MBP: variants seen among roughly 807,000 people sequenced by gnomAD.
The protein encoded by MBP is myelin basic protein.
MBP carries 16 observed loss-of-function variants against 35.8 expected under a neutral mutation model. That is an observed-to-expected ratio of 0.45 (90% confidence interval 0.30 to 0.68). The LOEUF (loss-of-function observed/expected upper bound fraction) is 0.68, where lower values mean the gene tolerates loss of function less well. MBP is among the 30% of genes least tolerant of loss of function. The probability of loss-of-function intolerance (pLI) is 0.08; values close to 1 mark genes in which losing one functional copy is unlikely to be tolerated. For missense variants in MBP, 380 were observed against 404.7 expected, an observed-to-expected ratio of 0.94 and a Z score of 0.52; for synonymous variants, 143 against 159.6, an observed-to-expected ratio of 0.90 and a Z score of 0.78.
intron 2 of MBP, among the ~76,000 whole-genome samples, chr18:77,079,600 C>T (rs1337950527): frequency 2.0e-5 from 3 of 152,292 alleles, no homozygotes; most frequent in African/African-American, 7.2e-5. Context: ...AGCACACACA[C>T]AGTTTATTTG....
chr18:77,109,331 C>G (rs1459724645), intron 1 of MBP: 1 of 152,204 alleles, frequency 6.6e-6, no homozygotes, highest in East Asian at 1.9e-4. Context: ...GCTCTTGATC[C>G]AACACACACA....
chr18:77,128,105 T>C (rs907192972), intron 1 of MBP, among the ~76,000 whole-genome samples: 1 of 152,220 alleles, frequency 6.6e-6, no homozygotes, highest in African/African-American at 2.4e-5. Context: ...GCAGCTCTAT[T>C]TGCAATAACC....
At chr18:77,123,073 A>T (rs954889493) in intron 1 of MBP, among the ~76,000 whole-genome samples, 1 of 152,238 alleles carries the variant, frequency 6.6e-6, no homozygotes. Flanking sequence ...TTCTCTTAAC[A>T]TACCCTGAAA....
rs1429961926 is a variant in MBP, at chr18:77,131,036, A to C, written c.-26+1544T>G. On this transcript the variant is annotated intron_variant, in intron 1 of 8. Transcript: ENST00000355994. This position sits in a 1 kb window ranked among gnomAD's most constrained non-coding sequence, Gnocchi z 5.5. Reference sequence around the variant, plus strand: ...TTCTGTTTTTCCCACAAAAAAAAAAAAAAAACAAAACCTCAAAAAACAAAA... The same window carrying C: ...TTCTGTTTTTCCCACAAAAAAAAAACAAAAACAAAACCTCAAAAAACAAAA... 5.6e-4 allele frequency among the ~76,000 whole-genome samples: 84 copies of C among 151,156 alleles called. 1 individual carries two copies. Among genetic ancestry groups the C allele is most frequent in the South Asian group, 2.1e-4 (1 of 4,762 alleles).
chr18:77,009,858 G>C (rs1971239168), intron 4 of MBP: 2 of 1,589,222 alleles, frequency 1.3e-6, no homozygotes, highest in South Asian at 2.3e-5. Flanking sequence ...CCTTGTACAT[G>C]TTGCACAGCC....
chr18:76,995,431 A>C (rs1970214677), intron 4 of MBP, among the ~76,000 whole-genome samples: 1 of 152,232 alleles, frequency 6.6e-6, no homozygotes, highest in Non-Finnish European at 1.5e-5. Context: ...ACCTGGTTCT[A>C]AGATTGACTA....
At chr18:77,015,369 G>A (rs986212928) in intron 4 of MBP, 10 of 985,312 alleles carry the variant, frequency 1.0e-5, no homozygotes, top group Middle Eastern at 5.2e-4. Context: ...GCTTTATTGG[G>A]CAACCCGAAT....
At chr18:77,046,908 G>A (rs1394941081) in intron 3 of MBP, among the ~76,000 whole-genome samples, 1 of 152,224 alleles carries the variant, frequency 6.6e-6, no homozygotes, top group East Asian at 1.9e-4. Flanking sequence ...TCACCATCGG[G>A]AGGCAGAATC....
At chr18:77,006,874 A>T (rs1971011654) in intron 4 of MBP, 1 of 152,370 alleles carries the variant, frequency 6.6e-6, no homozygotes, top group Admixed American at 6.5e-5. Context: ...GCACAGAGAG[A>T]GAGAGGGAAG....
At chr18:77,085,762 G>A (rs1010376474) in intron 2 of MBP, among the ~76,000 whole-genome samples, 6 of 142,344 alleles carry the variant, frequency 4.2e-5, no homozygotes, top group Non-Finnish European at 9.0e-5. Context: ...TCGGCTCACC[G>A]CAACCTCCAC....
rs1300968524 is a variant in MBP, at chr18:77,013,721, G to C, written c.576+3111C>G. The C allele has an allele frequency of 4.1e-6, 4 of 985,412 alleles. No homozygotes were observed. The South Asian group carries it at 1.9e-4, about 46-fold the overall frequency. The allele number at this position is 985,412 out of a possible 1,614,324, so 61.0% of individuals were successfully genotyped here. A position where few individuals can be genotyped will look rare whatever the true frequency, so the allele number is the denominator to read the frequency against. ...AATCATCGGTAAGAAGCTAGCTTTC[G>C]AAAACCTCCCTAAAAGTACACGGCA... On this transcript the variant is annotated intron_variant, in intron 4 of 8. Transcript: ENST00000355994.
intron 2 of MBP, among the ~76,000 whole-genome samples, chr18:77,078,343 G>A (rs147822944): frequency 2.6e-5 from 4 of 152,214 alleles, no homozygotes; most frequent in East Asian, 1.9e-4. Context: ...TCTACCACCC[G>A]CTCTCCCAGG....
intron 2 of MBP, among the ~76,000 whole-genome samples, chr18:77,070,224 T>C (rs116159840): frequency 0.015 from 2,220 of 152,242 alleles, 43 homozygotes; most frequent in African/African-American, 0.051. Context: ...GCTCAGGCCC[T>C]CCCTGCGTCA....
intron 1 of MBP, chr18:77,127,709 G>A (rs1248508512): frequency 6.6e-6 from 1 of 152,214 alleles, no homozygotes; most frequent in East Asian, 1.9e-4. Flanking sequence ...CAATTAAAAA[G>A]TAGGCAAAAG....
At chr18:77,042,180 T>C (rs506323) in intron 3 of MBP, among the ~76,000 whole-genome samples, 5,772 of 152,242 alleles carry the variant, frequency 0.038, 366 homozygotes, top group African/African-American at 0.13. Context: ...GCATAGCCTG[T>C]ATTAAGAAGC....
At chr18:77,082,971 T>C (rs1975029217) in intron 2 of MBP, among the ~76,000 whole-genome samples, 1 of 81,160 alleles carries the variant, frequency 1.2e-5, no homozygotes, top group Admixed American at 1.6e-4. Context: ...TGCTTCGGGA[T>C]AGAGTATTTT....
chr18:77,005,375 C>T (rs1970890840), intron 4 of MBP: 4 of 152,238 alleles, frequency 2.6e-5, no homozygotes, highest in Non-Finnish European at 4.4e-5. Context: ...CATGGCGTCT[C>T]CATGCAGGAG....
intron 7 of MBP, chr18:76,985,562 G>A (rs1685894341): frequency 9.1e-7 from 1 of 1,100,756 alleles, no homozygotes; most frequent in Non-Finnish European, 1.1e-6. Context: ...AGCTCGGACT[G>A]GGAGCAACAG....
Position 77,017,246 on chromosome 18 carries a change from G to C in MBP, c.162C>G (p.Asn54Lys), listed in dbSNP as rs754034418. 2 of 1,512,344 alleles carry C rather than the reference G, an allele frequency of 1.3e-6. No individual in the cohort carries two copies. Among genetic ancestry groups the C allele is most frequent in the Admixed American group, 4.5e-5 (2 of 44,038 alleles). 93.7% of individuals were successfully genotyped at this position (1,512,344 alleles called of 1,614,324 possible). A position where few individuals can be genotyped will look rare whatever the true frequency, so the allele number is the denominator to read the frequency against. ...CTGTGTCCTGAGAGGAGGTCCCATT[G>C]TTCTGGTTCGCATCTGCCTCTCCTG... ...EVFGEADANQNNGTSSQDTAV... is the reference protein window; with the variant it reads ...EVFGEADANQKNGTSSQDTAV... Residue 54 changes from asparagine (N) to lysine (K), a missense_variant, in exon 4 of 9, where the codon AAC becomes AAG. Transcript: ENST00000355994.
Sources: gnomAD v4.1 joint callset for allele counts (sites outside exome capture counted in the v4.1 genomes callset) on GRCh38, gnomAD v4.1.1 for gene constraint, Gnocchi (gnomAD v3.1) non-coding constraint, MANE v1.5 for transcripts, NCBI Gene and HGNC (gene_info 2026-07-23, HGNC 2026-07-21) for gene names.